Variants in DAB1 observed in about 807,000 individuals in gnomAD.
DAB1 encodes the protein DAB adaptor protein 1, also known as disabled homolog 1.
In DAB1, 15 loss-of-function variants were observed where a neutral mutation model predicts 64.6. The ratio of observed to expected loss-of-function variants is 0.23; its 90% CI spans 0.16 to 0.36. DAB1 has a LOEUF of 0.36. Among genes scored for constraint, DAB1 ranks in the 10% least tolerant of loss-of-function variants. The pLI, the probability that DAB1 is intolerant of heterozygous loss-of-function variation, is 1.00. For missense variants in DAB1, 596 were observed against 706.7 expected (o/e 0.84, Z 1.78); for synonymous variants, 235 against 251.9 (o/e 0.93, Z 0.64).
At chr1:57,171,832 TA>T (rs1402869688) in intron 2 of DAB1, among the ~76,000 whole-genome samples, 2 of 152,156 alleles carry the variant, frequency 1.3e-5, no homozygotes, top group Non-Finnish European at 2.9e-5. Context: ...GGGAGAAAGG[TA>T]AAGAAATAAA....
intron 2 of DAB1, among the ~76,000 whole-genome samples, chr1:57,185,034 C>T (rs1460673436): frequency 6.6e-6 from 1 of 152,068 alleles, no homozygotes; most frequent in Non-Finnish European, 1.5e-5. Context: ...GCAACCCACC[C>T]CAGGATCCTG....
chr1:57,351,108 G>A (rs779565208), intron 1 of DAB1, among the ~76,000 whole-genome samples: 2 of 152,148 alleles, frequency 1.3e-5, no homozygotes, highest in African/African-American at 2.4e-5. Flanking sequence ...ACTATTATCT[G>A]CAGTCTACAA....
intron 1 of DAB1, among the ~76,000 whole-genome samples, chr1:58,543,881 G>A (rs1646660847): frequency 6.6e-6 from 1 of 152,144 alleles, no homozygotes; most frequent in African/African-American, 2.4e-5. Context: ...GTCCAATAAG[G>A]TAGCCCCTAC....
At chr1:58,037,646 T>C (rs1647065926) in intron 5 of DAB1, among the ~76,000 whole-genome samples, 1 of 142,816 alleles carries the variant, frequency 7.0e-6, no homozygotes, top group African/African-American at 2.5e-5. Flanking sequence ...ACCCCCACCC[T>C]GCTCCATGGA....
chr1:57,775,455 T>C lies in DAB1; in HGVS notation n.551+108544A>G, dbSNP rs117686272. 7.4e-4 allele frequency among the ~76,000 whole-genome samples: 113 copies of C among 151,824 alleles called. No individual in the cohort carries two copies. In the East Asian group the frequency reaches 0.015, roughly 20 times the overall value. ...TTTTAGCTGCATCCCACAAAGCTGATATGTTGTGTTTTCATTGTAATGCAC... is the reference window on the plus strand; with the variant it reads ...TTTTAGCTGCATCCCACAAAGCTGACATGTTGTGTTTTCATTGTAATGCAC... On this transcript the variant is annotated intron_variant and non_coding_transcript_variant, in intron 6 of 20. Coordinates refer to the DAB1 transcript ENST00000485760.
At chr1:58,362,686 A>G (rs188635368) in intron 3 of DAB1, among the ~76,000 whole-genome samples, 11 of 152,342 alleles carry the variant, frequency 7.2e-5, no homozygotes, top group Middle Eastern at 3.4e-3. Flanking sequence ...AATGCATTCC[A>G]TCAGTGACAT....
At chr1:57,705,118 A>G (rs1246616287) in intron 6 of DAB1, among the ~76,000 whole-genome samples, 2 of 152,098 alleles carry the variant, frequency 1.3e-5, no homozygotes, top group African/African-American at 4.8e-5. Flanking sequence ...ATAGTATTCT[A>G]CTCATAGTTG....
intron 7 of DAB1, among the ~76,000 whole-genome samples, chr1:57,551,837 C>T (rs1191666564): frequency 1.3e-5 from 2 of 152,130 alleles, no homozygotes; most frequent in Admixed American, 6.5e-5. Context: ...TTGCAAGAAA[C>T]TTCTTTCCCC....
intron 5 of DAB1, among the ~76,000 whole-genome samples, chr1:58,035,882 A>C (rs1647037711): frequency 6.6e-6 from 1 of 152,240 alleles, no homozygotes; most frequent in Non-Finnish European, 1.5e-5. Flanking sequence ...CACTTTCACT[A>C]TCTCAGCTTG....
At chr1:57,655,276 T>A (rs1646303774) in intron 6 of DAB1, among the ~76,000 whole-genome samples, 1 of 152,026 alleles carries the variant, frequency 6.6e-6, no homozygotes. Context: ...CATCCATCCA[T>A]CTATCCAACC....
At chr1:57,587,453 ACT>A (rs1346801680) in intron 7 of DAB1, among the ~76,000 whole-genome samples, 9 of 152,052 alleles carry the variant, frequency 5.9e-5, no homozygotes, top group African/African-American at 1.9e-4. Context: ...CTATCAGGAG[ACT>A]CTATCCCAGA....
rs555340067 is a variant in DAB1, at chr1:58,278,723, C to CG, written n.309+64628dup. 6.1e-3 allele frequency among the ~76,000 whole-genome samples: 130 copies of CG among 21,194 alleles called. 61 individuals carry two copies. The highest frequency in any genetic ancestry group is 0.013 in the African/African-American group (84 of 6,716). The allele number at this position is 21,194 out of a possible 152,430, so 13.9% of individuals were successfully genotyped here. On this transcript the variant is annotated intron_variant and non_coding_transcript_variant, in intron 4 of 20. Transcript: ENST00000485760. ...CCAGATTTTCCTGATCAGCAGCAGG[C>CG]GGGGGGGGCCTGTGCTCCATACAGT...
At chr1:57,557,460 ATG>A in intron 7 of DAB1, among the ~76,000 whole-genome samples, 1 of 151,570 alleles carries the variant, frequency 6.6e-6, no homozygotes, top group East Asian at 1.9e-4. Flanking sequence ...ATACATATAT[ATG>A]TGTGTGTGTA....
At chr1:57,359,246 C>CA (rs1679359942) in intron 1 of DAB1, among the ~76,000 whole-genome samples, 1 of 151,710 alleles carries the variant, frequency 6.6e-6, no homozygotes, top group African/African-American at 2.4e-5. Context: ...AACTCAATAG[C>CA]AAAAACAGAA....
intron 9 of DAB1, among the ~76,000 whole-genome samples, chr1:57,058,826 C>G (rs1650097007): frequency 6.6e-6 from 1 of 152,226 alleles, no homozygotes; most frequent in South Asian, 2.1e-4. Flanking sequence ...CCACAGTCCT[C>G]AGCGGGAACT....
At chr1:58,506,441 GC>G (rs1645992117) in intron 2 of DAB1, among the ~76,000 whole-genome samples, 1 of 152,054 alleles carries the variant, frequency 6.6e-6, no homozygotes, top group African/African-American at 2.4e-5. Context: ...GTCACTACAT[GC>G]TTTAAAGTCA....
chr1:57,194,307 AGTCT>A (rs538461717), intron 2 of DAB1, among the ~76,000 whole-genome samples: 2 of 152,238 alleles, frequency 1.3e-5, no homozygotes, highest in East Asian at 3.9e-4. Flanking sequence ...GTTTGGGACA[AGTCT>A]GTCTGTCTTT....
At chr1:58,541,626 A>AC (rs1646619522) in intron 1 of DAB1, 1 of 99,734 alleles carries the variant, frequency 1.0e-5, no homozygotes, top group African/African-American at 4.2e-5. Flanking sequence ...AAAAAAAAAA[A>AC]AAAAAAAAAA....
chr1:58,471,668 T>C (rs11207234), intron 3 of DAB1, among the ~76,000 whole-genome samples: 54,915 of 151,932 alleles, frequency 0.36, 10,754 homozygotes, highest in Non-Finnish European at 0.45. Flanking sequence ...TGATGAGTGG[T>C]TTAGCACTAT....
Sources: gnomAD v4.1 joint callset for allele counts (sites outside exome capture counted in the v4.1 genomes callset) on GRCh38, gnomAD v4.1.1 for gene constraint, MANE v1.5 for transcripts, NCBI Gene and HGNC (gene_info 2026-07-23, HGNC 2026-07-21) for gene names.